Variants in TRMT61B observed in about 807,000 individuals in gnomAD.
TRMT61B encodes the protein tRNA (adenine(58)-N(1))-methyltransferase, mitochondrial.
Under a neutral mutation model 52.0 loss-of-function variants are expected in TRMT61B, and 56 were observed. That is an observed-to-expected ratio of 1.08 (90% CI 0.87 to 1.35). TRMT61B has a LOEUF of 1.35. TRMT61B is among the 40% of genes most tolerant of loss of function. TRMT61B has a pLI of 0.00. For missense variants in TRMT61B, 650 were observed against 577.9 expected (o/e 1.12, Z -1.28); for synonymous variants, 206 against 220.0 (o/e 0.94, Z 0.56).
rs376156130 is a variant in TRMT61B at position 28,870,280 on chromosome 2, T to G, written c.-3A>C. On this transcript the variant is annotated 5_prime_UTR_variant, in exon 1 of 7. Coordinates refer to ENST00000306108, the MANE Select transcript of TRMT61B (RefSeq NM_017910.4). ...CCGCGGCACCATGCCATTAGCATAGTGTTTCGCGAAGGCGCCGTCGCAGAC... is the reference window on the plus strand; with the variant it reads ...CCGCGGCACCATGCCATTAGCATAGGGTTTCGCGAAGGCGCCGTCGCAGAC... 7 of 1,547,094 alleles carry G rather than the reference T, an allele frequency of 4.5e-6. No homozygotes were observed. Among genetic ancestry groups the G allele is most frequent in the Non-Finnish European group, 6.1e-6 (7 of 1,150,466 alleles).
chr2:28,864,797 G>GA (rs1227909316), intron 2 of TRMT61B, among the ~76,000 whole-genome samples: 1 of 152,170 alleles, frequency 6.6e-6, no homozygotes, highest in Non-Finnish European at 1.5e-5. Context: ...AGAGCATGGA[G>GA]AAAGTAAAAC....
chr2:28,869,655 T>A lies in TRMT61B; in HGVS notation c.623A>T (p.Gln208Leu). ...GQILRSSFGKQYMLRRPALED... is the reference protein window; with the variant it reads ...GQILRSSFGKLYMLRRPALED... Reference sequence around the variant, plus strand: ...CAAGGCTGGCCTCCTCAGCATGTACTGCTTACCGAAGGAACTCCTCAGTAT... The same window carrying A: ...CAAGGCTGGCCTCCTCAGCATGTACAGCTTACCGAAGGAACTCCTCAGTAT... Residue 208 changes from glutamine (Q) to leucine (L), a missense_variant, in exon 1 of 7, where the codon CAG becomes CTG. Physicochemically the swap from Gln to Leu is moderately radical, Grantham distance 113 (BLOSUM62 -2). Transcript: ENST00000306108. 6.2e-7 allele frequency: 1 copy of A among 1,614,196 alleles called. No homozygotes were observed. The highest frequency in any genetic ancestry group is 8.5e-7 in the Non-Finnish European group (1 of 1,180,026).
At chr2:28,852,538 C>T (rs199587049) in intron 3 of TRMT61B, 39 bp from the exon 4 acceptor site, 6 of 1,313,460 alleles carry the variant, frequency 4.6e-6, no homozygotes, top group African/African-American at 3.0e-5. Context: ...AGTCTGATTC[C>T]GTTTAAATAA....
At chr2:28,864,887 A>C in intron 2 of TRMT61B, 130 bp downstream of exon 2, 1 of 581,914 alleles carries the variant, frequency 1.7e-6, no homozygotes, top group Non-Finnish European at 3.1e-6. Flanking sequence ...ATAGTTGCTT[A>C]CTTTCAGATT....
chr2:28,869,844 G>A lies in TRMT61B; in HGVS notation c.434C>T (p.Thr145Ile), dbSNP rs766772627. 1 of 1,614,188 alleles carries A rather than the reference G, an allele frequency of 6.2e-7. No homozygotes were observed. The highest frequency in any genetic ancestry group is 1.3e-5 in the African/African-American group (1 of 75,062). Reference protein sequence around the residue: ...EERHVSPSCSTSRERPFQAGE... With the variant: ...EERHVSPSCSISRERPFQAGE... Reference sequence around the variant, plus strand: ...AGCCTGAAAGGGTCTCTCTCTGGAAGTTGAACAAGAAGGGGAGACGTGACG... The same window carrying A: ...AGCCTGAAAGGGTCTCTCTCTGGAAATTGAACAAGAAGGGGAGACGTGACG... The change falls in exon 1 of 7, where the codon ACT becomes ATT. Residue 145 changes from threonine to isoleucine, a missense_variant. Thr to Ile is a moderately conservative substitution (Grantham distance 89, BLOSUM62 -1). Coordinates refer to ENST00000306108, the MANE Select transcript of TRMT61B (RefSeq NM_017910.4).
At chr2:28,862,408 C>T (rs188234506) in intron 2 of TRMT61B, among the ~76,000 whole-genome samples, 3 of 143,882 alleles carry the variant, frequency 2.1e-5, no homozygotes, top group East Asian at 4.6e-4. Context: ...TCACAGCTCA[C>T]GGCAACCCCC....
Position 28,851,182 on chromosome 2 carries a change from TTC to T in TRMT61B, c.1200_1201del (p.Asn402TrpfsTer10). The T allele has an allele frequency of 6.2e-7, 1 of 1,613,620 alleles. No individual in the cohort carries two copies. The highest frequency in any genetic ancestry group is 8.5e-7 in the Non-Finnish European group (1 of 1,179,860). On this transcript the variant is annotated frameshift_variant, in exon 5 of 7. Transcript: ENST00000306108. LOFTEE classifies it high-confidence loss of function. ...TACTTTTTGAGCTAAAATTCCATTT[TTC>T]TGTTTTGCAAGGCAAACCAACCAAT... is the stretch of plus-strand genomic sequence containing the variant.
At chr2:28,862,541 C>T (rs1023707687) in intron 2 of TRMT61B, among the ~76,000 whole-genome samples, 1 of 151,302 alleles carries the variant, frequency 6.6e-6, no homozygotes, top group Non-Finnish European at 1.5e-5. Context: ...GCCATGTTGC[C>T]AGACTGGTCT....
At chr2:28,868,682 G>A (rs1669950884) in intron 1 of TRMT61B, among the ~76,000 whole-genome samples, 1 of 152,206 alleles carries the variant, frequency 6.6e-6, no homozygotes, top group Non-Finnish European at 1.5e-5. Context: ...CTGTGACTAA[G>A]GATTGAAATA....
intron 2 of TRMT61B, among the ~76,000 whole-genome samples, chr2:28,862,864 TTGTGTGTGTGTGTGTG>T (rs34139201): frequency 2.7e-4 from 39 of 143,930 alleles, no homozygotes; most frequent in African/African-American, 2.0e-4. Context: ...GTATTTGTAT[TTGTGTGTGTGTGTGTG>T]TGTGTGTGTG....
intron 1 of TRMT61B, among the ~76,000 whole-genome samples, chr2:28,865,517 G>A (rs1273200077): frequency 1.3e-5 from 2 of 152,150 alleles, no homozygotes; most frequent in Non-Finnish European, 2.9e-5. Flanking sequence ...AACTCAGCCT[G>A]ATAAGCAACT....
chr2:28,851,006 G>T, intron 5 of TRMT61B, 66 bp downstream of exon 5: 2 of 991,218 alleles, frequency 2.0e-6, no homozygotes, highest in South Asian at 1.7e-5. Context: ...ATAATCTATT[G>T]GTCAGTATAC....
chr2:28,856,475 C>A (rs973604645), intron 3 of TRMT61B, among the ~76,000 whole-genome samples: 8 of 152,172 alleles, frequency 5.3e-5, no homozygotes, highest in African/African-American at 7.2e-5. Flanking sequence ...AATGTCCATA[C>A]TATCCAGCTT....
intron 1 of TRMT61B, among the ~76,000 whole-genome samples, chr2:28,868,737 G>T (rs1669952683): frequency 6.6e-6 from 1 of 152,246 alleles, no homozygotes. Context: ...AACTAGGGCT[G>T]GGCGCGGTGG....
intron 5 of TRMT61B, among the ~76,000 whole-genome samples, chr2:28,850,766 G>A (rs1340429936): frequency 3.9e-5 from 6 of 152,044 alleles, no homozygotes; most frequent in Admixed American, 6.6e-5. Context: ...TGCCTATCAG[G>A]TCCCATTAAT....
chr2:28,858,794 CAAA>C (rs1033258916), intron 3 of TRMT61B, among the ~76,000 whole-genome samples: 11 of 23,580 alleles, frequency 4.7e-4, no homozygotes, highest in East Asian at 3.2e-3. Context: ...GACTCCGTCT[CAAA>C]AAAAAAAAAA....
intron 3 of TRMT61B, among the ~76,000 whole-genome samples, chr2:28,854,239 G>T (rs1361956444): frequency 3.9e-5 from 6 of 152,052 alleles, no homozygotes; most frequent in Non-Finnish European, 1.5e-5. Context: ...CTAATGAAGG[G>T]GTAGACATTA....
intron 4 of TRMT61B, 104 bp downstream of exon 4, chr2:28,852,304 T>TGAGAA (rs1191287057): frequency 4.1e-6 from 2 of 484,136 alleles, no homozygotes. Flanking sequence ...CAGAGTTTTT[T>TGAGAA]TCTGTCTCAA....
In TRMT61B at chr2:28,870,002, C is replaced by A. The variant is rs760398393; in HGVS notation, c.276G>T (p.Thr92=). Residue 92 remains threonine (T), a synonymous_variant, in exon 1 of 7, where the codon ACG becomes ACT. Transcript: ENST00000306108. ...CTCGAGGGGATGACTCTTCCCGCAG[C>A]GTCGGCAGTCTGAGGTTTTCCAGTG... ...LSSLENLRLP[T]LREESSPREL... 6.2e-7 allele frequency: 1 copy of A among 1,613,596 alleles called. No homozygotes were observed. Among genetic ancestry groups the A allele is most frequent in the Non-Finnish European group, 8.5e-7 (1 of 1,180,040 alleles).
Sources: gnomAD v4.1 joint callset for allele counts (sites outside exome capture counted in the v4.1 genomes callset) on GRCh38, gnomAD v4.1.1 for gene constraint, MANE v1.5 for transcripts, NCBI Gene and HGNC (gene_info 2026-07-23, HGNC 2026-07-21) for gene names.